GFM2: variants seen among roughly 807,000 people sequenced by gnomAD.
GFM2 encodes the protein GTP dependent ribosome recycling factor mitochondrial 2, also known as ribosome-releasing factor 2, mitochondrial.
In GFM2, 72 loss-of-function variants were observed where a neutral mutation model predicts 95.4. That is an observed-to-expected ratio of 0.76 (90% CI 0.62 to 0.92). GFM2 has a LOEUF of 0.92. Among genes scored for constraint, GFM2 ranks in the 40% least tolerant of loss-of-function variants. The probability of loss-of-function intolerance (pLI) is 0.00; values close to 1 mark genes in which losing one functional copy is unlikely to be tolerated. For synonymous variants in GFM2, 276 were observed against 317.5 expected (o/e 0.87, Z 1.39); for missense variants, 825 against 924.1 (o/e 0.89, Z 1.39).
At chr5:74,750,778 T>C (rs1001931991) in intron 6 of GFM2, 111 bp from the exon 7 acceptor site, 3 of 712,524 alleles carry the variant, frequency 4.2e-6, no homozygotes, top group Non-Finnish European at 7.3e-6. Context: ...TATATGTGTA[T>C]ATATATAAAG....
intron 8 of GFM2, among the ~76,000 whole-genome samples, chr5:74,746,740 A>G (rs1743407329): frequency 6.6e-6 from 1 of 151,996 alleles, no homozygotes. Flanking sequence ...GAACCAGCCT[A>G]TTTTCCAGTC....
At chr5:74,737,258 T>C (rs1463259249) in intron 14 of GFM2, among the ~76,000 whole-genome samples, 3 of 152,174 alleles carry the variant, frequency 2.0e-5, no homozygotes, top group Middle Eastern at 6.8e-3. Context: ...GCAAAACAAA[T>C]GTACCTTCCT....
intron 19 of GFM2, among the ~76,000 whole-genome samples, chr5:74,724,910 T>G (rs931093186): frequency 1.3e-5 from 2 of 152,066 alleles, no homozygotes; most frequent in African/African-American, 4.8e-5. Context: ...TTCTGGTAGG[T>G]TCATGAGGCA....
intron 7 of GFM2, among the ~76,000 whole-genome samples, chr5:74,750,332 C>CA (rs1189265052): frequency 6.6e-6 from 1 of 152,166 alleles, no homozygotes; most frequent in African/African-American, 2.4e-5. Flanking sequence ...CTTGTTAGCT[C>CA]AAAAGTAAGG....
Position 74,725,932 on chromosome 5 carries a change from G to A in GFM2, c.1912+9C>T. 3 of 1,602,518 alleles carry A rather than the reference G, an allele frequency of 1.9e-6. No homozygotes were observed. Among genetic ancestry groups the A allele is most frequent in the African/African-American group, 2.7e-5 (2 of 74,400 alleles). On this transcript the variant is annotated intron_variant, in intron 18 of 20. Transcript: ENST00000296805. ...GATACTAATGCTTACTCTCATTTGA[G>A]TGTCTTACCTTGGAGACATGCGCTG...
chr5:74,736,593 C>T (rs1328025580), intron 15 of GFM2: 1 of 1,409,246 alleles, frequency 7.1e-7, no homozygotes, highest in East Asian at 2.6e-5. Flanking sequence ...GAAGAATGGC[C>T]AAGAAATAAG....
At chr5:74,760,789 A>C in intron 3 of GFM2, 113 bp downstream of exon 3, 1 of 727,582 alleles carries the variant, frequency 1.4e-6, no homozygotes, top group Non-Finnish European at 2.4e-6. Context: ...GGAAATAGCC[A>C]AGAAGTAAAA....
Position 74,726,065 on chromosome 5 carries a change from C to T in GFM2, c.1788G>A (p.Arg596=), listed in dbSNP as rs1290558597. ...RHLVTVEVEA[R]PIETSSVMPV... ...GCATAACAGATGATGTTTCAATTGG[C>T]CTTGCTTCCACTTCTACAGTCACAA... Residue 596 remains arginine, a synonymous_variant, in exon 18 of 21, where the codon AGG becomes AGA. Transcript: ENST00000296805. 1.2e-6 allele frequency: 2 copies of T among 1,613,336 alleles called. No homozygotes were observed.
intron 6 of GFM2, 21 bp downstream of exon 6, chr5:74,751,347 G>A (rs1439291364): frequency 1.9e-6 from 3 of 1,601,548 alleles, no homozygotes; most frequent in Non-Finnish European, 2.6e-6. Context: ...GCATCTCTGT[G>A]TTACTGGAAT....
chr5:74,725,818 G>A (rs1490633367), intron 18 of GFM2, 63 bp from the exon 19 acceptor site: 1 of 1,454,562 alleles, frequency 6.9e-7, no homozygotes, highest in African/African-American at 1.4e-5. Flanking sequence ...TAACTGAGAA[G>A]TGCAAAGGAA....
intron 2 of GFM2, among the ~76,000 whole-genome samples, chr5:74,761,897 G>A (rs1182485966): frequency 2.6e-5 from 4 of 152,150 alleles, no homozygotes; most frequent in African/African-American, 7.2e-5. Context: ...GCGTATCTGT[G>A]CGATCTATAT....
intron 15 of GFM2, chr5:74,736,528 AATTACTTAGAATCCC>A: frequency 3.1e-6 from 4 of 1,279,910 alleles, no homozygotes; most frequent in Non-Finnish European, 4.0e-6. Flanking sequence ...TTCTAAGGCC[AATTACTTAGAATCCC>A]ATAGATAGCA....
intron 11 of GFM2, among the ~76,000 whole-genome samples, chr5:74,740,640 T>C (rs1743064817): frequency 6.6e-6 from 1 of 152,206 alleles, no homozygotes; most frequent in African/African-American, 2.4e-5. Context: ...CAAGCTATTA[T>C]TGGTGGGTCA....
Position 74,730,406 on chromosome 5 carries a change from C to T in GFM2, c.1588-8G>A, listed in dbSNP as rs372562849. 2.4e-5 allele frequency: 37 copies of T among 1,555,226 alleles called. No individual in the cohort carries two copies. Among genetic ancestry groups the T allele is most frequent in the Middle Eastern group, 1.7e-4 (1 of 5,840 alleles). ...CATACCACACAGAACAGTCTGGTTACCAGAGGAATGAAATAAAAGATTAAG... is the reference window on the plus strand; with the variant it reads ...CATACCACACAGAACAGTCTGGTTATCAGAGGAATGAAATAAAAGATTAAG... On this transcript the variant is annotated splice_polypyrimidine_tract_variant and splice_region_variant and intron_variant, in intron 16 of 20. Transcript: ENST00000296805.
intron 15 of GFM2, 111 bp downstream of exon 15, chr5:74,736,685 T>G: frequency 2.0e-6 from 3 of 1,528,844 alleles, no homozygotes; most frequent in Non-Finnish European, 2.6e-6. Context: ...TACCAATATA[T>G]TCAGATAAAA....
chr5:74,751,228 T>C lies in GFM2; in HGVS notation c.430+140A>G. 4.0e-6 allele frequency: 3 copies of C among 747,978 alleles called. No individual in the cohort carries two copies. The South Asian group carries it at 5.5e-5, about 14-fold the overall frequency. The allele number at this position is 747,978 out of a possible 1,614,324, so 46.3% of individuals were successfully genotyped here. On this transcript the variant is annotated intron_variant, in intron 6 of 20. Transcript: ENST00000296805. The stretch of plus-strand genomic sequence containing the variant: ...GTGATTATACTTAACACTACTAAAC[T>C]GTACACTTAAAAATGGTTGAGATGG...
chr5:74,748,620 T>C (rs904765079), intron 7 of GFM2, among the ~76,000 whole-genome samples: 1 of 152,120 alleles, frequency 6.6e-6, no homozygotes, highest in African/African-American at 2.4e-5. Flanking sequence ...ATCCCAGCAC[T>C]GTGGGAGGCT....
In GFM2 at chr5:74,736,841, C is replaced by T. The variant is rs1235981907; in HGVS notation, c.1465G>A (p.Val489Ile). The T allele has an allele frequency of 2.5e-6, 4 of 1,613,930 alleles. No homozygotes were observed. Among genetic ancestry groups the T allele is most frequent in the Non-Finnish European group, 3.4e-6 (4 of 1,179,868 alleles). Residue 489 changes from valine (V) to isoleucine (I), a missense_variant, in exon 15 of 21, where the codon GTT becomes ATT. Coordinates refer to ENST00000296805, the MANE Select transcript of GFM2 (RefSeq NM_032380.5). ...GGGGGTTCTATGGTACAGAAGAAAA[C>T]AGGTTCTGGAATCTCCACTCCAGCC... The part of the protein sequence containing the change: ...LLAGVEIPEP[V>I]FFCTIEPPSL...
Position 74,740,048 on chromosome 5 carries a change from G to A in GFM2, c.1020C>T (p.Pro340=), listed in dbSNP as rs1743037034. Residue 340 remains proline, a synonymous_variant, in exon 12 of 21, where the codon CCC becomes CCT. Coordinates refer to ENST00000296805, the MANE Select transcript of GFM2 (RefSeq NM_032380.5). ...AGTACATAGTAACAGCATCTAACAA[G>A]GGCTGTATCCCTTTGTTTTTCAGGG... ...GSALKNKGIQ[P]LLDAVTMYLP... The A allele has an allele frequency of 6.2e-7, 1 of 1,603,954 alleles. No homozygotes were observed. Among genetic ancestry groups the A allele is most frequent in the Admixed American group, 1.7e-5 (1 of 58,248 alleles).
Sources: allele counts gnomAD v4.1 joint callset (sites outside exome capture counted in the v4.1 genomes callset), GRCh38; gene constraint gnomAD v4.1.1; transcripts MANE v1.5; gene names NCBI Gene and HGNC (gene_info 2026-07-23, HGNC 2026-07-21).